DCC: variants seen among roughly 807,000 people sequenced by gnomAD.
DCC encodes the protein netrin receptor DCC.
A neutral mutation model predicts 172.5 loss-of-function variants in DCC; 58 were observed. The ratio of observed to expected loss-of-function variants is 0.34; its 90% CI spans 0.27 to 0.42. The LOEUF is 0.42. Among genes scored for constraint, DCC ranks in the 10% least tolerant of loss-of-function variants. The probability of loss-of-function intolerance (pLI) is 1.00; values close to 1 mark genes in which losing one functional copy is unlikely to be tolerated. For missense variants in DCC, 1,740 were observed against 1,791.0 expected (o/e 0.97, Z 0.51); for synonymous variants, 709 against 644.5 (o/e 1.10, Z -1.52).
chr18:53,216,721 A>C (rs2055857644), intron 12 of DCC, among the ~76,000 whole-genome samples: 1 of 152,168 alleles, frequency 6.6e-6, no homozygotes, highest in Admixed American at 6.5e-5. Context: ...GAAGCAAGTG[A>C]ATGCATTATT....
At chr18:52,823,834 G>A (rs997883377) in intron 2 of DCC, among the ~76,000 whole-genome samples, 5 of 152,104 alleles carry the variant, frequency 3.3e-5, no homozygotes, top group African/African-American at 4.8e-5. Context: ...GTGCCTGAGT[G>A]AGATAAAGCA....
chr18:52,612,739 T>C (rs919101901), intron 1 of DCC, among the ~76,000 whole-genome samples: 2 of 152,254 alleles, frequency 1.3e-5, no homozygotes, highest in Admixed American at 6.5e-5. Context: ...GATTTGATTG[T>C]GGAAATTGTT....
intron 22 of DCC, among the ~76,000 whole-genome samples, chr18:53,448,087 T>G (rs1238729298): frequency 6.7e-6 from 1 of 149,422 alleles, no homozygotes; most frequent in Non-Finnish European, 1.5e-5. Context: ...GCAATGATTC[T>G]TAGGCAACTT....
At chr18:53,158,809 T>C (rs1346887898) in intron 8 of DCC, among the ~76,000 whole-genome samples, 1 of 151,808 alleles carries the variant, frequency 6.6e-6, no homozygotes, top group Non-Finnish European at 1.5e-5. Context: ...CTGACCAACA[T>C]GGTGAAACCC....
At chr18:53,202,854 C>T (rs962317221) in intron 9 of DCC, among the ~76,000 whole-genome samples, 32 of 152,106 alleles carry the variant, frequency 2.1e-4, no homozygotes, top group African/African-American at 7.2e-4. Flanking sequence ...AAATGATGAA[C>T]ATTTTATTTA....
intron 2 of DCC, among the ~76,000 whole-genome samples, chr18:52,829,149 A>G (rs2038565994): frequency 6.6e-6 from 1 of 152,240 alleles, no homozygotes; most frequent in Admixed American, 6.5e-5. Flanking sequence ...TCAGAAATAC[A>G]GAAATGAAAA....
chr18:52,609,197 C>T (rs898157505), intron 1 of DCC, among the ~76,000 whole-genome samples: 3 of 152,158 alleles, frequency 2.0e-5, no homozygotes, highest in African/African-American at 7.2e-5. Context: ...TAAGGAAATG[C>T]TATTCATCAT....
At chr18:52,878,942 A>G (rs901695559) in intron 2 of DCC, among the ~76,000 whole-genome samples, 19 of 152,232 alleles carry the variant, frequency 1.2e-4, no homozygotes, top group African/African-American at 4.1e-4. Context: ...GCACAAAGTT[A>G]TCACTTTATA....
chr18:53,005,910 C>T (rs1888089756), intron 5 of DCC, among the ~76,000 whole-genome samples: 1 of 152,102 alleles, frequency 6.6e-6, no homozygotes, highest in African/African-American at 2.4e-5. Context: ...TGTGTACCTA[C>T]AATGTTGGAA....
At chr18:53,081,754 G>C (rs1056772623) in intron 7 of DCC, among the ~76,000 whole-genome samples, 3 of 152,034 alleles carry the variant, frequency 2.0e-5, no homozygotes, top group Admixed American at 6.6e-5. Context: ...ATTGTAATTG[G>C]TGATGGATGG....
intron 12 of DCC, among the ~76,000 whole-genome samples, chr18:53,263,801 G>A (rs889428554): frequency 1.3e-5 from 2 of 151,676 alleles, no homozygotes; most frequent in Non-Finnish European, 2.9e-5. Flanking sequence ...ATTTTTAAAT[G>A]ATTTTATGAT....
At chr18:53,266,106 C>A (rs17411025) in intron 12 of DCC, among the ~76,000 whole-genome samples, 1 of 151,998 alleles carries the variant, frequency 6.6e-6, no homozygotes, top group East Asian at 1.9e-4. Context: ...AACCAAGCAC[C>A]AGGTCAGTGA....
chr18:52,671,017 G>A (rs182899013), intron 1 of DCC, among the ~76,000 whole-genome samples: 2 of 152,156 alleles, frequency 1.3e-5, no homozygotes, highest in Admixed American at 6.5e-5. Context: ...CTTTGACATC[G>A]GAGTTTTTTC....
chr18:52,567,593 A>G lies in DCC; in HGVS notation c.92-184461A>G, dbSNP rs76486166. 9.5e-3 allele frequency among the ~76,000 whole-genome samples: 1,448 copies of G among 152,274 alleles called. 25 individuals are homozygous for G. The highest frequency in any genetic ancestry group is 0.032 in the African/African-American group (1,322 of 41,558). ...AGACAAATACCACATGTTTTCACTT[A>G]CAAATGGGAGTTAAATAATGTGTAT... On this transcript the variant is annotated intron_variant, in intron 1 of 28. Coordinates refer to ENST00000442544, the MANE Select transcript of DCC (RefSeq NM_005215.4).
chr18:53,427,917 T>TAATATA (rs1568124919), intron 21 of DCC, among the ~76,000 whole-genome samples: 1 of 31,326 alleles, frequency 3.2e-5, no homozygotes, highest in Non-Finnish European at 9.7e-5. Flanking sequence ...TATATAATAA[T>TAATATA]ATAATATATA....
chr18:53,432,957 A>G (rs1911716922), intron 21 of DCC, among the ~76,000 whole-genome samples: 1 of 152,104 alleles, frequency 6.6e-6, no homozygotes, highest in African/African-American at 2.4e-5. Context: ...AAGAAATGTG[A>G]ATCACTATAA....
intron 22 of DCC, among the ~76,000 whole-genome samples, chr18:53,436,210 AATG>A (rs1273251353): frequency 6.6e-6 from 1 of 152,204 alleles, no homozygotes; most frequent in Admixed American, 6.5e-5. Context: ...AATTTATAGA[AATG>A]ATATTGTATC....
intron 1 of DCC, among the ~76,000 whole-genome samples, chr18:52,385,347 C>T (rs1985752758): frequency 6.6e-6 from 1 of 151,562 alleles, no homozygotes; most frequent in Non-Finnish European, 1.5e-5. Context: ...ATGATCTCAG[C>T]TCACCGCAAC....
intron 2 of DCC, among the ~76,000 whole-genome samples, chr18:52,776,459 C>T (rs1252467083): frequency 6.6e-6 from 1 of 151,920 alleles, no homozygotes; most frequent in Admixed American, 6.6e-5. Context: ...TTTAAAAAAG[C>T]TGGAAGAAAA....
Sources: allele counts gnomAD v4.1 joint callset (sites outside exome capture counted in the v4.1 genomes callset), GRCh38; gene constraint gnomAD v4.1.1; transcripts MANE v1.5; gene names NCBI Gene and HGNC (gene_info 2026-07-23, HGNC 2026-07-21).